PPAT: variants seen among roughly 807,000 people sequenced by gnomAD.
PPAT encodes the protein phosphoribosyl pyrophosphate amidotransferase.
Under a neutral mutation model 60.2 loss-of-function variants are expected in PPAT, and 20 were observed. The observed-to-expected ratio is 0.33, with a 90% CI of 0.23 to 0.48. PPAT has a LOEUF of 0.48. Ranked by LOEUF, PPAT falls within the 20% of genes least tolerant of loss-of-function variation. The pLI, the probability that PPAT is intolerant of heterozygous loss-of-function variation, is 0.99. For synonymous variants in PPAT, 194 were observed against 215.1 expected, an observed-to-expected ratio of 0.90 and a Z score of 0.86; for missense variants, 349 against 629.6, an observed-to-expected ratio of 0.55 and a Z score of 4.77.
intron 5 of PPAT, among the ~76,000 whole-genome samples, chr4:56,402,820 C>CAAAAAAAAAAAAAAAAAAAAAAAAAAAA (rs556899549): frequency 2.3e-5 from 1 of 44,026 alleles, no homozygotes; most frequent in African/African-American, 9.3e-5. Context: ...ACTCGGTCTC[C>CAAAAAAAAAAAAAAAAAAAAAAAAAAAA]AAAAAAAAAA....
intron 1 of PPAT, among the ~76,000 whole-genome samples, chr4:56,432,740 G>A (rs1170517488): frequency 6.7e-6 from 1 of 148,220 alleles, no homozygotes; most frequent in East Asian, 2.0e-4. Context: ...AGGGGAGACT[G>A]CGCCACTGAA....
intron 9 of PPAT, among the ~76,000 whole-genome samples, chr4:56,398,641 A>T (rs1716040956): frequency 6.6e-6 from 1 of 151,336 alleles, no homozygotes; most frequent in African/African-American, 2.4e-5. Context: ...AGGAGAGGTG[A>T]GTTTCACTAT....
intron 1 of PPAT, among the ~76,000 whole-genome samples, chr4:56,409,814 T>C (rs927673905): frequency 1.3e-5 from 2 of 152,244 alleles, no homozygotes; most frequent in Non-Finnish European, 2.9e-5. Context: ...GTTAATACAT[T>C]GATTTATTTG....
chr4:56,402,237 T>C, intron 5 of PPAT, 56 bp from the exon 6 acceptor site: 1 of 1,289,604 alleles, frequency 7.8e-7, no homozygotes, highest in Non-Finnish European at 1.1e-6. Context: ...AGAGGCTATT[T>C]CAATGGAACA....
intron 1 of PPAT, 48 bp from the exon 2 acceptor site, chr4:56,407,764 C>T: frequency 7.1e-7 from 1 of 1,403,976 alleles, no homozygotes; most frequent in African/African-American, 1.4e-5. Context: ...AATTGATTAG[C>T]TTCTTGAAGA....
In PPAT at chr4:56,400,928, A is replaced by G. The variant is rs199648880; in HGVS notation, c.887-17T>C. 46 of 1,600,728 alleles carry G rather than the reference A, an allele frequency of 2.9e-5. No homozygotes were observed. The South Asian group carries it at 4.7e-4, about 17-fold the overall frequency. On this transcript the variant is annotated splice_polypyrimidine_tract_variant and intron_variant, in intron 7 of 10. Transcript: ENST00000264220. ...CCATTTGGTCTGGTGTGTTTGGAAA[A>G]GGAGAGAGAGTATTTTTACTTAGCA...
chr4:56,409,597 C>T (rs1161386420), intron 1 of PPAT, among the ~76,000 whole-genome samples: 3 of 152,136 alleles, frequency 2.0e-5, no homozygotes, highest in African/African-American at 7.2e-5. Flanking sequence ...GAAGGTAGGG[C>T]AAGACATAGT....
At chr4:56,406,748 G>A in intron 2 of PPAT, 47 bp from the exon 3 acceptor site, 3 of 1,364,462 alleles carry the variant, frequency 2.2e-6, no homozygotes, top group Admixed American at 1.9e-5. Flanking sequence ...GACTAGTACT[G>A]CTAGTAATAA....
At chr4:56,402,860 C>T (rs1264984929) in intron 5 of PPAT, among the ~76,000 whole-genome samples, 180 bp downstream of exon 5, 4 of 140,954 alleles carry the variant, frequency 2.8e-5, no homozygotes, top group Non-Finnish European at 6.1e-5. Context: ...GGGGGGGACT[C>T]ATCCTCAGGA....
At chr4:56,400,187 C>T (rs1716078532) in intron 8 of PPAT, 1 of 152,584 alleles carries the variant, frequency 6.6e-6, no homozygotes, top group African/African-American at 2.4e-5. Context: ...CTTCCCTCCT[C>T]AGCCTACTCA....
At position 56,403,409 on chromosome 4, in the gene PPAT, GA is replaced by G. The variant is rs747746747; in HGVS notation, c.403-9del. 1.5e-5 allele frequency: 24 copies of G among 1,583,500 alleles called. No individual in the cohort carries two copies. In the Admixed American group the frequency reaches 3.6e-4, roughly 24 times the overall value. ...AATACCATGACGCAGAAGCTATATA[GA>G]AAAAAAGAGAAGTTTAATCATCAGA... On this transcript the variant is annotated splice_polypyrimidine_tract_variant and intron_variant, in intron 3 of 10. Coordinates refer to ENST00000264220, the MANE Select transcript of PPAT (RefSeq NM_002703.5).
At chr4:56,424,165 C>G (rs1717177478) in intron 1 of PPAT, among the ~76,000 whole-genome samples, 2 of 152,166 alleles carry the variant, frequency 1.3e-5, no homozygotes, top group Admixed American at 6.5e-5. Flanking sequence ...AACCAGTCCC[C>G]CAAAAGTATT....
In PPAT at chr4:56,394,244, G is replaced by C. The variant is rs1463045666; in HGVS notation, c.*1108C>G. The C allele has an allele frequency of 1.3e-5, 2 of 152,084 alleles. No individual in the cohort carries two copies. The highest frequency in any genetic ancestry group is 2.9e-5 in the Non-Finnish European group (2 of 68,020). The allele number at this position is 152,084 out of a possible 1,614,324, so 9.4% of individuals were successfully genotyped here. A position where few individuals can be genotyped will look rare whatever the true frequency, so the allele number is the denominator to read the frequency against. ...TGATTATAAGATGATACTTGGACTTGGATTGTAAGTTGATACTAATTCCCC... is the reference window on the plus strand; with the variant it reads ...TGATTATAAGATGATACTTGGACTTCGATTGTAAGTTGATACTAATTCCCC... On this transcript the variant is annotated 3_prime_UTR_variant, in exon 11 of 11. Transcript: ENST00000264220.
chr4:56,407,120 C>A (rs1290754704), intron 2 of PPAT, among the ~76,000 whole-genome samples: 3 of 152,020 alleles, frequency 2.0e-5, no homozygotes, highest in Non-Finnish European at 4.4e-5. Flanking sequence ...AAATAAATGA[C>A]CCCCTATTTG....
intron 1 of PPAT, chr4:56,410,943 T>C (rs968130215): frequency 1.0e-6 from 1 of 975,430 alleles, no homozygotes; most frequent in Admixed American, 6.2e-5. Context: ...AGTACTCTTG[T>C]TTTTCTTTTG....
chr4:56,400,621 G>C (rs1398053311), intron 8 of PPAT, 163 bp downstream of exon 8: 1 of 751,972 alleles, frequency 1.3e-6, no homozygotes, highest in Non-Finnish European at 2.0e-6. Flanking sequence ...AGTGCCATTG[G>C]ATAAAAAGCC....
At chr4:56,435,240 G>C (rs1363992914) in intron 1 of PPAT, 110 bp downstream of exon 1, 2 of 1,499,570 alleles carry the variant, frequency 1.3e-6, no homozygotes, top group African/African-American at 2.7e-5. Flanking sequence ...GGCTTAGGTC[G>C]GAGAGGTCGG....
intron 1 of PPAT, chr4:56,420,938 A>G (rs943612848): frequency 2.7e-5 from 4 of 150,538 alleles, no homozygotes; most frequent in African/African-American, 9.8e-5. Flanking sequence ...GCTTGAAGTA[A>G]CCAAGTGTCT....
At chr4:56,426,541 T>C (rs1428541974) in intron 1 of PPAT, among the ~76,000 whole-genome samples, 2 of 152,232 alleles carry the variant, frequency 1.3e-5, no homozygotes, top group East Asian at 1.9e-4. Context: ...CCCTCCAATA[T>C]ACATTTTTGT....
Sources: gnomAD v4.1 joint callset for allele counts (sites outside exome capture counted in the v4.1 genomes callset) on GRCh38, gnomAD v4.1.1 for gene constraint, MANE v1.5 for transcripts, NCBI Gene and HGNC (gene_info 2026-07-23, HGNC 2026-07-21) for gene names.